DGKB: variants seen among roughly 807,000 people sequenced by gnomAD.
DGKB encodes the protein 90 kDa diacylglycerol kinase.
Under a neutral mutation model 114.3 loss-of-function variants are expected in DGKB, and 67 were observed. That is an observed-to-expected ratio of 0.59 (90% CI 0.48 to 0.72). The LOEUF (loss-of-function observed/expected upper bound fraction) is 0.72, where lower values mean the gene tolerates loss of function less well. DGKB is among the 30% of genes least tolerant of loss of function. The pLI is 0.00. For missense variants in DGKB, 907 were observed against 975.2 expected (o/e 0.93, Z 0.93); for synonymous variants, 398 against 323.1 (o/e 1.23, Z -2.49).
At chr7:14,464,456 A>G (rs117034878) in intron 21 of DGKB, among the ~76,000 whole-genome samples, 2,282 of 152,324 alleles carry the variant, frequency 0.015, 61 homozygotes, top group African/African-American at 0.05. Flanking sequence ...ATGTATAAAG[A>G]ACAAACTGTG....
Position 14,721,021 on chromosome 7 carries a change from T to C in DGKB, c.323-2336A>G, listed in dbSNP as rs577243571. 6.6e-5 allele frequency among the ~76,000 whole-genome samples: 10 copies of C among 152,324 alleles called. No individual in the cohort carries two copies. In the South Asian group the frequency reaches 2.1e-3, roughly 32 times the overall value. On this transcript the variant is annotated intron_variant, in intron 5 of 25. Coordinates refer to ENST00000402815, the MANE Select transcript of DGKB (RefSeq NM_001350709.2). ...GCACTTGAATTATGGTCGGATAAGC[T>C]ATGACCTAACTCATCCTGCTGATGA... is the stretch of plus-strand genomic sequence containing the variant.
At chr7:14,938,224 A>G (rs1302089756) in intron 1 of DGKB, among the ~76,000 whole-genome samples, 1 of 152,190 alleles carries the variant, frequency 6.6e-6, no homozygotes, top group African/African-American at 2.4e-5. Context: ...ACAAAATATC[A>G]GGGTGCTTTA....
At chr7:14,773,038 C>G (rs1477094086) in intron 2 of DGKB, among the ~76,000 whole-genome samples, 1 of 152,138 alleles carries the variant, frequency 6.6e-6, no homozygotes, top group African/African-American at 2.4e-5. Context: ...AGAGTTAATT[C>G]TATTCCTTGT....
chr7:14,812,699 C>A (rs1843604053), intron 2 of DGKB, among the ~76,000 whole-genome samples: 2 of 152,158 alleles, frequency 1.3e-5, no homozygotes, highest in African/African-American at 2.4e-5. Flanking sequence ...TCCCAGGCTT[C>A]AATCTTTCAA....
intron 20 of DGKB, among the ~76,000 whole-genome samples, chr7:14,506,378 A>T (rs1787065596): frequency 6.6e-6 from 1 of 152,178 alleles, no homozygotes; most frequent in Non-Finnish European, 1.5e-5. Context: ...TCATGTTTTA[A>T]ACTTCTTAAA....
intron 23 of DGKB, among the ~76,000 whole-genome samples, chr7:14,337,826 A>G (rs1050035069): frequency 2.0e-5 from 3 of 152,192 alleles, no homozygotes; most frequent in Admixed American, 6.6e-5. Context: ...ATTAGTTATC[A>G]GAATATCACA....
At chr7:14,275,922 C>T (rs1158018347) in intron 23 of DGKB, among the ~76,000 whole-genome samples, 1 of 152,176 alleles carries the variant, frequency 6.6e-6, no homozygotes, top group Admixed American at 6.5e-5. Context: ...TAATTCTTAT[C>T]TAATTCATAG....
intron 1 of DGKB, among the ~76,000 whole-genome samples, chr7:14,853,867 C>CAAAAAA (rs56269565): frequency 3.4e-4 from 35 of 103,992 alleles, no homozygotes; most frequent in African/African-American, 1.2e-3. Flanking sequence ...GACTCCGTCT[C>CAAAAAA]AAAAAAAAAA....
intron 21 of DGKB, among the ~76,000 whole-genome samples, chr7:14,424,596 G>A (rs1394052472): frequency 1.3e-5 from 2 of 151,838 alleles, no homozygotes; most frequent in African/African-American, 4.8e-5. Flanking sequence ...CTGAGAGGTA[G>A]GTTTTATTAT....
At chr7:14,788,997 A>C (rs1465599178) in intron 2 of DGKB, among the ~76,000 whole-genome samples, 5 of 152,184 alleles carry the variant, frequency 3.3e-5, no homozygotes, top group African/African-American at 4.8e-5. Context: ...GAAGGAAAAC[A>C]GTGGAGCAGA....
At chr7:14,910,892 T>C (rs548616837) in intron 1 of DGKB, among the ~76,000 whole-genome samples, 2 of 152,312 alleles carry the variant, frequency 1.3e-5, no homozygotes, top group East Asian at 3.9e-4. Context: ...TATTTTATAT[T>C]AGCTTTAAAT....
At chr7:14,563,670 T>C (rs1484713549) in intron 20 of DGKB, among the ~76,000 whole-genome samples, 1 of 151,880 alleles carries the variant, frequency 6.6e-6, no homozygotes, top group African/African-American at 2.4e-5. Flanking sequence ...AAGTTGGTTC[T>C]TGGTGGTTTA....
rs1834160235 is a variant in DGKB at position 14,751,771 on chromosome 7, T to C, written c.168+2157A>G. Among the ~76,000 whole-genome samples, 3 of 152,204 alleles carry C rather than the reference T, an allele frequency of 2.0e-5. No individual in the cohort carries two copies. The South Asian group carries it at 6.2e-4, about 31-fold the overall frequency. On this transcript the variant is annotated intron_variant, in intron 4 of 25. Transcript: ENST00000402815. ...TTGAATGCAGAAGACATCAGAGTTATAGTTCCTCAATTTAAAATGAGAAAA... is the reference window on the plus strand; with the variant it reads ...TTGAATGCAGAAGACATCAGAGTTACAGTTCCTCAATTTAAAATGAGAAAA...
chr7:14,723,114 T>C (rs2128364133), intron 5 of DGKB, among the ~76,000 whole-genome samples: 1 of 152,062 alleles, frequency 6.6e-6, no homozygotes, highest in East Asian at 1.9e-4. Flanking sequence ...AAAAAAGTCC[T>C]TTTTCCTTTT....
intron 1 of DGKB, among the ~76,000 whole-genome samples, chr7:14,893,357 T>C (rs1213239317): frequency 6.6e-6 from 1 of 151,468 alleles, no homozygotes; most frequent in East Asian, 1.9e-4. Context: ...AAGACGTTTT[T>C]TCCTGGTCTT....
intron 20 of DGKB, among the ~76,000 whole-genome samples, chr7:14,568,796 G>C (rs74856662): frequency 0.02 from 3,025 of 152,276 alleles, 106 homozygotes; most frequent in African/African-American, 0.068. Context: ...AAGGTTCTTT[G>C]TATATTGTAC....
intron 1 of DGKB, among the ~76,000 whole-genome samples, chr7:14,901,605 A>AACCCCCCCCCCCCCCCCCCCCCC (rs1562855781): frequency 8.1e-6 from 1 of 123,096 alleles, no homozygotes; most frequent in Non-Finnish European, 1.7e-5. Context: ...AGGGATTTCC[A>AACCCCCCCCCCCCCCCCCCCCCC]CCCCCCCCCA....
chr7:14,384,707 C>T (rs1430479569), intron 21 of DGKB, among the ~76,000 whole-genome samples: 2 of 152,184 alleles, frequency 1.3e-5, no homozygotes, highest in South Asian at 2.1e-4. Context: ...CCTTTACCTC[C>T]GTGGTTCTCA....
chr7:14,774,033 T>C (rs1299447166), intron 2 of DGKB, among the ~76,000 whole-genome samples: 1 of 152,120 alleles, frequency 6.6e-6, no homozygotes, highest in Non-Finnish European at 1.5e-5. Flanking sequence ...TGTTTGATTG[T>C]TTGTTTGTTT....
Sources: allele counts gnomAD v4.1 joint callset (sites outside exome capture counted in the v4.1 genomes callset), GRCh38; gene constraint gnomAD v4.1.1; transcripts MANE v1.5; gene names NCBI Gene and HGNC (gene_info 2026-07-23, HGNC 2026-07-21).